DNAJB11: variants seen among roughly 807,000 people sequenced by gnomAD.
DNAJB11 encodes dnaJ homolog subfamily B member 11.
DNAJB11 carries 30 observed loss-of-function variants against 47.2 expected under a neutral mutation model. The ratio of observed to expected loss-of-function variants is 0.64; its 90% confidence interval spans 0.48 to 0.86. The LOEUF is 0.86. DNAJB11 is among the 40% of genes least tolerant of loss of function. The pLI, the probability that DNAJB11 is intolerant of heterozygous loss-of-function variation, is 0.00. For synonymous variants in DNAJB11, 151 were observed against 159.9 expected (o/e 0.94, Z 0.42); for missense variants, 357 against 440.2 (o/e 0.81, Z 1.69).
intron 6 of DNAJB11, among the ~76,000 whole-genome samples, chr3:186,582,380 A>T (rs1476484657): frequency 6.6e-6 from 1 of 152,196 alleles, no homozygotes; most frequent in Non-Finnish European, 1.5e-5. Flanking sequence ...GAAGATATGT[A>T]ACTCTAGTTG....
intron 3 of DNAJB11, among the ~76,000 whole-genome samples, chr3:186,576,442 T>G (rs1715297947): frequency 6.6e-6 from 1 of 152,188 alleles, no homozygotes; most frequent in Non-Finnish European, 1.5e-5. Context: ...AACACTTTCT[T>G]CCTCACTCTT....
chr3:186,572,163 G>A lies in DNAJB11; in HGVS notation c.137G>A (p.Arg46Lys). ...ATAAAGGATATTAAAAAGGCCTATAGGAAACTAGCCCTGCAGCTTCATCCC... is the reference window on the plus strand; with the variant it reads ...ATAAAGGATATTAAAAAGGCCTATAAGAAACTAGCCCTGCAGCTTCATCCC... Reference protein sequence around the residue: ...ASIKDIKKAYRKLALQLHPDR... With the variant: ...ASIKDIKKAYKKLALQLHPDR... Residue 46 changes from arginine (R) to lysine (K), a missense_variant, in exon 2 of 10, where the codon AGG (arginine) becomes AAG (lysine). Physicochemically the swap from Arg to Lys is conservative, Grantham distance 26. Coordinates refer to ENST00000265028, the MANE Select transcript of DNAJB11 (RefSeq NM_016306.6). 6.2e-7 allele frequency: 1 copy of A among 1,613,686 alleles called. No individual in the cohort carries two copies. The highest frequency in any genetic ancestry group is 8.5e-7 in the Non-Finnish European group (1 of 1,179,852).
chr3:186,571,016 G>A (rs372490167), intron 1 of DNAJB11, 51 bp downstream of exon 1: 1 of 1,269,920 alleles, frequency 7.9e-7, no homozygotes, highest in Non-Finnish European at 1.1e-6. Flanking sequence ...AGCCTTTGCT[G>A]GGGGGTGGGA....
rs1386006664 is a variant in DNAJB11, at chr3:186,584,503, T to C, written c.926T>C (p.Phe309Ser). ...LWKKGEGLPN[F>S]DNNNIKGSLI... ...AAGAAAGGGGAAGGGCTCCCCAACT[T>C]TGACAACAACAATATCAAGGGCTCT... is the stretch of plus-strand genomic sequence containing the variant. Residue 309 changes from phenylalanine to serine, a missense_variant, in exon 9 of 10, where the codon TTT becomes TCT. Transcript: ENST00000265028. The C allele has an allele frequency of 2.5e-6, 4 of 1,602,060 alleles. No individual in the cohort carries two copies. The highest frequency in any genetic ancestry group is 2.6e-6 in the Non-Finnish European group (3 of 1,176,312).
At chr3:186,584,708 A>G in intron 9 of DNAJB11, 119 bp downstream of exon 9, 3 of 1,049,592 alleles carry the variant, frequency 2.9e-6, no homozygotes, top group Non-Finnish European at 3.9e-6. Flanking sequence ...TCAATCATTA[A>G]TGCTAGTAGA....
chr3:186,572,307 T>TA, intron 2 of DNAJB11, 56 bp downstream of exon 2: 14 of 1,481,814 alleles, frequency 9.4e-6, no homozygotes, highest in Non-Finnish European at 1.2e-5. Context: ...AGAAAAAACA[T>TA]ACAATACAGA....
At position 186,575,177 on chromosome 3, in the gene DNAJB11, T is replaced by C. The variant is rs573584300; in HGVS notation, c.226-663T>C. Among the ~76,000 whole-genome samples, 192 of 151,502 alleles carry C rather than the reference T, an allele frequency of 1.3e-3. 1 individual carries two copies. Among genetic ancestry groups the C allele is most frequent in the African/African-American group, 4.5e-3 (184 of 41,004 alleles). On this transcript the variant is annotated intron_variant, in intron 2 of 9. Coordinates refer to ENST00000265028, the MANE Select transcript of DNAJB11 (RefSeq NM_016306.6). ...ATTTTTACTTACTACTCTTTCTGCA[T>C]TTCAAACTCAGGACATTACAAACTT...
chr3:186,573,029 C>G (rs1419108413), intron 2 of DNAJB11, among the ~76,000 whole-genome samples: 1 of 152,108 alleles, frequency 6.6e-6, no homozygotes, highest in Non-Finnish European at 1.5e-5. Flanking sequence ...ATCTGGGGAT[C>G]AAAACACTCT....
At chr3:186,579,649 C>T (rs966176500) in intron 4 of DNAJB11, 3 of 152,254 alleles carry the variant, frequency 2.0e-5, no homozygotes, top group African/African-American at 7.2e-5. Flanking sequence ...TATTCCCTTA[C>T]AGGTACCAGC....
At chr3:186,579,620 G>C (rs1442001569) in intron 4 of DNAJB11, 1 of 152,228 alleles carries the variant, frequency 6.6e-6, no homozygotes, top group Non-Finnish European at 1.5e-5. Flanking sequence ...GTATCTAGCT[G>C]TCTTGGCCTT....
At chr3:186,575,360 C>CGTGCGT (rs201596559) in intron 2 of DNAJB11, among the ~76,000 whole-genome samples, 1 of 79,664 alleles carries the variant, frequency 1.3e-5, no homozygotes, top group African/African-American at 5.2e-5. Context: ...TACATGCGCG[C>CGTGCGT]GCGCGCGCGT....
Position 186,582,050 on chromosome 3 carries a change from G to A in DNAJB11, c.655G>A (p.Gly219Ser), listed in dbSNP as rs751024041. ...AGAAATAGAGCCTGGGGTGAGAGAC[G>A]GCATGGAGTACCCCTTTATTGGAGA... ...EVEIEPGVRD[G>S]MEYPFIGEGE... Residue 219 changes from glycine to serine, a missense_variant, in exon 6 of 10, where the codon GGC becomes AGC. By Grantham distance (56) the Gly-to-Ser change is moderately conservative. Coordinates refer to ENST00000265028, the MANE Select transcript of DNAJB11 (RefSeq NM_016306.6). 3.1e-6 allele frequency: 5 copies of A among 1,613,444 alleles called. No homozygotes were observed. The highest frequency in any genetic ancestry group is 2.2e-5 in the East Asian group (1 of 44,862).
At position 186,577,630 on chromosome 3, in the gene DNAJB11, T is replaced by TA. The variant is rs546874893; in HGVS notation, c.324-38_324-37insA. ...TAATTGTGAAACATAGAGTCTTGATTTTTTTTTTTTTCCTGATGATTTTGC... is the reference window on the plus strand; with the variant it reads ...TAATTGTGAAACATAGAGTCTTGATTATTTTTTTTTTTCCTGATGATTTTGC... On this transcript the variant is annotated intron_variant, in intron 3 of 9. Transcript: ENST00000265028. The TA allele has an allele frequency of 3.2e-6, 4 of 1,239,130 alleles. No homozygotes were observed. The Admixed American group carries it at 1.3e-4, about 41-fold the overall frequency. The allele number at this position is 1,239,130 out of a possible 1,614,324, so 76.8% of individuals were successfully genotyped here.
In DNAJB11 at chr3:186,572,704, G is replaced by A. The variant is rs557234568; in HGVS notation, c.225+453G>A. The stretch of plus-strand genomic sequence containing the variant: ...TATGAACTAGACAAATAACATGCAG[G>A]GCAGGTATAAGTTAAAACATGGCAG... On this transcript the variant is annotated intron_variant, in intron 2 of 9. Transcript: ENST00000265028. Among the ~76,000 whole-genome samples, 15 of 152,298 alleles carry A rather than the reference G, an allele frequency of 9.8e-5. No homozygotes were observed. The South Asian group carries it at 2.1e-3, about 21-fold the overall frequency.
At chr3:186,575,012 G>T (rs928277845) in intron 2 of DNAJB11, among the ~76,000 whole-genome samples, 1 of 152,068 alleles carries the variant, frequency 6.6e-6, no homozygotes, top group Non-Finnish European at 1.5e-5. Flanking sequence ...TGAAAAGGAT[G>T]GAAGCTTATT....
chr3:186,574,962 TAA>T lies in DNAJB11; in HGVS notation c.226-875_226-874del, dbSNP rs112502156. On this transcript the variant is annotated intron_variant, in intron 2 of 9. Coordinates refer to ENST00000265028, the MANE Select transcript of DNAJB11 (RefSeq NM_016306.6). ...TGCATATATATCAGATTGCTCTAAA[TAA>T]AAGAGAAAGTTTTTTTTTGCATGTT... is the stretch of plus-strand genomic sequence containing the variant. Among the ~76,000 whole-genome samples the T allele has an allele frequency of 2.4e-3, 335 of 141,636 alleles. 2 individuals carry two copies. Among genetic ancestry groups the T allele is most frequent in the African/African-American group, 9.4e-3 (321 of 34,134 alleles). The allele number at this position is 141,636 out of a possible 152,430, so 92.9% of individuals were successfully genotyped here.
intron 4 of DNAJB11, chr3:186,580,147 GC>G (rs902025597): frequency 6.6e-6 from 1 of 152,178 alleles, no homozygotes; most frequent in Non-Finnish European, 1.5e-5. Flanking sequence ...AGCCTGTTCT[GC>G]AGTTGTCACT....
Position 186,570,784 on chromosome 3 carries a change from C to A in DNAJB11, c.-114C>A. Reference sequence around the variant, plus strand: ...GCTGTCTCTGCGGACCAAGGAGACCCCCGCGCCCCCCCGGTGTGAGGCGGC... The same window carrying A: ...GCTGTCTCTGCGGACCAAGGAGACCACCGCGCCCCCCCGGTGTGAGGCGGC... On this transcript the variant is annotated 5_prime_UTR_variant, in exon 1 of 10. Coordinates refer to ENST00000265028, the MANE Select transcript of DNAJB11 (RefSeq NM_016306.6). The A allele has an allele frequency of 1.0e-6, 1 of 952,996 alleles. No individual in the cohort carries two copies. Among genetic ancestry groups the A allele is most frequent in the Non-Finnish European group, 1.6e-6 (1 of 624,194 alleles). 59.0% of individuals were successfully genotyped at this position (952,996 alleles called of 1,614,324 possible).
chr3:186,579,419 T>A (rs1028289871), intron 4 of DNAJB11: 9 of 152,260 alleles, frequency 5.9e-5, no homozygotes, highest in African/African-American at 2.2e-4. Context: ...TTATGCATAA[T>A]ATTTCTACTT....
Sources: allele counts gnomAD v4.1 joint callset (sites outside exome capture counted in the v4.1 genomes callset), GRCh38; gene constraint gnomAD v4.1.1; transcripts MANE v1.5; gene names NCBI Gene and HGNC (gene_info 2026-07-23, HGNC 2026-07-21).